The following ARB2A variants were observed in gnomAD, a reference collection of about 807,000 sequenced individuals.
ARB2A encodes ARB2 cotranscriptional regulator A, also known as cotranscriptional regulator ARB2A.
the ARB2A span, among the ~76,000 whole-genome samples, chr5:93,984,174 A>T: frequency 6.6e-6 from 1 of 152,172 alleles, no homozygotes; most frequent in Non-Finnish European, 1.5e-5. Context: ...TAATGTTTTG[A>T]AAATATGCAA....
chr5:93,849,832 C>A, the ARB2A span, among the ~76,000 whole-genome samples: 7 of 151,898 alleles, frequency 4.6e-5, no homozygotes, highest in Non-Finnish European at 1.0e-4. Context: ...GAAAATTAGG[C>A]CAGCTCAAAA....
chr5:93,944,110 A>C, the ARB2A span, among the ~76,000 whole-genome samples: 2 of 152,210 alleles, frequency 1.3e-5, no homozygotes, highest in African/African-American at 4.8e-5. Context: ...AAAGGAGGTC[A>C]TCTTTGAGGT....
the ARB2A span, among the ~76,000 whole-genome samples, chr5:94,018,909 C>A: frequency 6.6e-6 from 1 of 152,106 alleles, no homozygotes; most frequent in Non-Finnish European, 1.5e-5. Flanking sequence ...TGACTTCAAA[C>A]TATACTACAA....
the ARB2A span, among the ~76,000 whole-genome samples, chr5:93,858,085 G>A: frequency 1.3e-5 from 2 of 152,284 alleles, no homozygotes; most frequent in African/African-American, 4.8e-5. Context: ...AAAATCCAGA[G>A]GAAACAAGGT....
the ARB2A span, among the ~76,000 whole-genome samples, chr5:93,663,315 A>G: frequency 6.6e-6 from 1 of 152,154 alleles, no homozygotes; most frequent in Non-Finnish European, 1.5e-5. Flanking sequence ...ACTTTTCTAT[A>G]CAGTTATTAT....
chr5:93,904,658 A>T, the ARB2A span, among the ~76,000 whole-genome samples: 1 of 151,946 alleles, frequency 6.6e-6, no homozygotes, highest in South Asian at 2.1e-4. Flanking sequence ...TTACAAAAAG[A>T]TTTAATTGGC....
the ARB2A span, among the ~76,000 whole-genome samples, chr5:93,765,100 C>A: frequency 1.1e-4 from 16 of 152,094 alleles, no homozygotes; most frequent in South Asian, 2.1e-4. Flanking sequence ...ACTGAATGGG[C>A]AAAAACTGGA....
At chr5:93,803,267 A>G in the ARB2A span, among the ~76,000 whole-genome samples, 1 of 152,028 alleles carries the variant, frequency 6.6e-6, no homozygotes, top group African/African-American at 2.4e-5. Flanking sequence ...AACATTATAC[A>G]TATAAAGTTG....
At chr5:93,798,401 A>T in the ARB2A span, among the ~76,000 whole-genome samples, 1 of 152,154 alleles carries the variant, frequency 6.6e-6, no homozygotes, top group Non-Finnish European at 1.5e-5. Context: ...AAGGTAATTG[A>T]TGCCACTTTT....
the ARB2A span, among the ~76,000 whole-genome samples, chr5:93,643,519 T>G: frequency 2.0e-5 from 3 of 152,116 alleles, no homozygotes; most frequent in Non-Finnish European, 4.4e-5. Context: ...TTGAGATGGA[T>G]TTTTTGCTAT....
the ARB2A span, among the ~76,000 whole-genome samples, chr5:93,953,023 T>C: frequency 2.6e-5 from 4 of 152,220 alleles, no homozygotes; most frequent in African/African-American, 7.2e-5. Flanking sequence ...CTTTGTTAAA[T>C]TTATCTGATA....
the ARB2A span, among the ~76,000 whole-genome samples, chr5:93,841,955 A>G: frequency 2.7e-3 from 414 of 152,324 alleles, 2 homozygotes; most frequent in African/African-American, 9.4e-3. Context: ...CTGACATCAT[A>G]TAAGAGGGAC....
chr5:94,069,019 T>C, the ARB2A span, among the ~76,000 whole-genome samples: 1 of 148,640 alleles, frequency 6.7e-6, no homozygotes, highest in Non-Finnish European at 1.5e-5. Flanking sequence ...TCGGCAACAA[T>C]AGTGAAACTC....
chr5:93,977,181 CA>C, the ARB2A span, among the ~76,000 whole-genome samples: 1 of 152,026 alleles, frequency 6.6e-6, no homozygotes, highest in Non-Finnish European at 1.5e-5. Flanking sequence ...CTGCCCAAAG[CA>C]ATCTATGGAT....
chr5:93,799,858 A>G, the ARB2A span, among the ~76,000 whole-genome samples: 17 of 152,104 alleles, frequency 1.1e-4, no homozygotes, highest in Non-Finnish European at 2.1e-4. Context: ...ATGATGTTAT[A>G]TAGAAATAAT....
the ARB2A span, among the ~76,000 whole-genome samples, chr5:93,976,139 C>T: frequency 1.3e-5 from 2 of 152,016 alleles, no homozygotes; most frequent in African/African-American, 2.4e-5. Flanking sequence ...AAAACAAAAA[C>T]GATTTTTTGT....
chr5:94,019,781 G>A, the ARB2A span, among the ~76,000 whole-genome samples: 2 of 152,150 alleles, frequency 1.3e-5, no homozygotes, highest in African/African-American at 4.8e-5. Context: ...CCATTACTGG[G>A]TATATACCCA....
chr5:93,972,846 C>T, the ARB2A span, among the ~76,000 whole-genome samples: 1 of 151,292 alleles, frequency 6.6e-6, no homozygotes, highest in East Asian at 1.9e-4. Flanking sequence ...AAGGTCAAAG[C>T]AGGAGGATCT....
chr5:93,905,450 C>T, the ARB2A span, among the ~76,000 whole-genome samples: 45 of 151,496 alleles, frequency 3.0e-4, 1 homozygote, highest in Middle Eastern at 3.4e-3. Flanking sequence ...GAGGTGATAA[C>T]GTTAATATAA....
Sources: allele counts gnomAD v4.1 joint callset (sites outside exome capture counted in the v4.1 genomes callset), GRCh38; gene constraint gnomAD v4.1.1; transcripts MANE v1.5; gene names NCBI Gene and HGNC (gene_info 2026-07-23, HGNC 2026-07-21).